Variants in PTPRD observed in about 807,000 individuals in gnomAD.
PTPRD encodes protein tyrosine phosphatase receptor type D, also known as receptor-type tyrosine-protein phosphatase delta.
PTPRD carries 34 observed loss-of-function variants against 214.5 expected under a neutral mutation model. The ratio of observed to expected loss-of-function variants is 0.16; its 90% CI spans 0.12 to 0.21. The LOEUF (loss-of-function observed/expected upper bound fraction) is 0.21, where lower values mean the gene tolerates loss of function less well. Among genes scored for constraint, PTPRD ranks in the 10% least tolerant of loss-of-function variants. The pLI is 1.00. For missense variants in PTPRD, 2,545 were observed against 2,398.7 expected, an observed-to-expected ratio of 1.06 and a Z score of -1.27; for synonymous variants, 1,128 against 845.7, an observed-to-expected ratio of 1.33 and a Z score of -5.79.
At chr9:10,303,830 AG>A (rs2154409428) in intron 3 of PTPRD, among the ~76,000 whole-genome samples, 1 of 152,308 alleles carries the variant, frequency 6.6e-6, no homozygotes, top group South Asian at 2.1e-4. Context: ...ATTCTACCAG[AG>A]GTTCAAAGAG....
chr9:10,321,905 A>G (rs535010522), intron 3 of PTPRD, among the ~76,000 whole-genome samples: 157 of 152,180 alleles, frequency 1.0e-3, no homozygotes, highest in African/African-American at 3.6e-3. Context: ...TTTAACTTTG[A>G]AATGAATGTG....
chr9:10,459,829 T>C (rs1327704905), intron 2 of PTPRD, among the ~76,000 whole-genome samples: 1 of 151,824 alleles, frequency 6.6e-6, no homozygotes, highest in Non-Finnish European at 1.5e-5. Context: ...GATTGCAAAA[T>C]AAATTTATCA....
At chr9:8,664,975 G>C (rs1216408412) in intron 12 of PTPRD, among the ~76,000 whole-genome samples, 1 of 152,150 alleles carries the variant, frequency 6.6e-6, no homozygotes, top group African/African-American at 2.4e-5. Flanking sequence ...ACAATTGAGT[G>C]ATAGAATGCA....
At chr9:9,431,959 A>G (rs993624533) in intron 8 of PTPRD, among the ~76,000 whole-genome samples, 4 of 150,916 alleles carry the variant, frequency 2.7e-5, no homozygotes, top group Non-Finnish European at 5.9e-5. Flanking sequence ...TGTAAATGAC[A>G]AGTTAATGGT....
intron 8 of PTPRD, among the ~76,000 whole-genome samples, chr9:9,468,753 T>C (rs1569568605): frequency 6.6e-6 from 1 of 152,080 alleles, no homozygotes; most frequent in Non-Finnish European, 1.5e-5. Flanking sequence ...TATTGAAAAA[T>C]GGTTTGGTTA....
At chr9:8,779,152 G>C (rs539111420) in intron 11 of PTPRD, among the ~76,000 whole-genome samples, 3 of 152,184 alleles carry the variant, frequency 2.0e-5, no homozygotes, top group Non-Finnish European at 2.9e-5. Flanking sequence ...TATACCCATA[G>C]CAGAAGGCTG....
intron 9 of PTPRD, among the ~76,000 whole-genome samples, chr9:9,245,799 T>C (rs2099972814): frequency 6.6e-6 from 1 of 152,118 alleles, no homozygotes; most frequent in South Asian, 2.1e-4. Flanking sequence ...CAATGTCCCT[T>C]TGTCACATGC....
At chr9:9,884,855 C>G (rs940120298) in intron 5 of PTPRD, among the ~76,000 whole-genome samples, 1 of 152,170 alleles carries the variant, frequency 6.6e-6, no homozygotes, top group East Asian at 1.9e-4. Flanking sequence ...CATTCTGCCA[C>G]GATTGTAAGT....
intron 2 of PTPRD, among the ~76,000 whole-genome samples, chr9:10,497,440 G>A (rs952224391): frequency 1.3e-5 from 2 of 151,804 alleles, no homozygotes; most frequent in African/African-American, 4.8e-5. Context: ...TACATTGTTT[G>A]GTACACAGTT....
chr9:8,508,891 CTG>C (rs59265464), intron 21 of PTPRD, among the ~76,000 whole-genome samples: 23,391 of 139,764 alleles, frequency 0.17, 1,850 homozygotes, highest in African/African-American at 0.22. Flanking sequence ...GTGTGTGTGT[CTG>C]TGTGTGTGTG....
intron 7 of PTPRD, among the ~76,000 whole-genome samples, chr9:9,715,163 A>T (rs927975327): frequency 2.0e-5 from 3 of 152,178 alleles, no homozygotes; most frequent in African/African-American, 7.2e-5. Context: ...TCTGTATGTA[A>T]AGCAAGATGT....
rs1841246954 is a variant in PTPRD, at chr9:8,331,637, C to G, written c.5479G>C (p.Val1827Leu). ...CCAAACTGTTCTTTTGTTTTATGGA[C>G]TTGGCCGATGAAGTCAATAAATCCT... ...GEGFIDFIGQ[V>L]HKTKEQFGQD... The change falls in exon 44 of 46, where the codon GTC becomes CTC. Residue 1827 changes from valine to leucine, a missense_variant. Transcript: ENST00000381196. The G allele has an allele frequency of 3.1e-6, 5 of 1,613,816 alleles. No individual in the cohort carries two copies. Among genetic ancestry groups the G allele is most frequent in the Non-Finnish European group, 4.2e-6 (5 of 1,179,924 alleles).
At chr9:9,660,245 C>T (rs1335712308) in intron 7 of PTPRD, among the ~76,000 whole-genome samples, 1 of 151,882 alleles carries the variant, frequency 6.6e-6, no homozygotes, top group African/African-American at 2.4e-5. Flanking sequence ...CATCGGAAGC[C>T]TTTGGAGGTT....
intron 3 of PTPRD, among the ~76,000 whole-genome samples, chr9:10,187,457 G>A: frequency 6.6e-6 from 1 of 152,110 alleles, no homozygotes; most frequent in Non-Finnish European, 1.5e-5. Flanking sequence ...TTACTTTACA[G>A]TTTGCTGGAG....
chr9:8,647,694 T>C (rs1190916742), intron 12 of PTPRD, among the ~76,000 whole-genome samples: 2 of 152,232 alleles, frequency 1.3e-5, no homozygotes, highest in South Asian at 2.1e-4. Context: ...GCTTTTGATA[T>C]ATTTAACAAA....
intron 8 of PTPRD, among the ~76,000 whole-genome samples, chr9:9,515,672 A>G (rs1205754786): frequency 6.6e-6 from 1 of 151,946 alleles, no homozygotes; most frequent in Non-Finnish European, 1.5e-5. Flanking sequence ...TGAAAACCAT[A>G]TATTAAATAA....
At chr9:8,805,898 G>C (rs572720497) in intron 11 of PTPRD, among the ~76,000 whole-genome samples, 169 of 149,558 alleles carry the variant, frequency 1.1e-3, no homozygotes, top group Middle Eastern at 3.4e-3. Context: ...AGGAGGCTGA[G>C]GCAGGAGAAT....
intron 11 of PTPRD, among the ~76,000 whole-genome samples, chr9:8,882,267 A>G (rs2154219733): frequency 6.6e-6 from 1 of 152,294 alleles, no homozygotes; most frequent in East Asian, 1.9e-4. Context: ...TTGATCTTAT[A>G]GTATCTCACT....
chr9:9,449,722 A>G (rs1196152340), intron 8 of PTPRD, among the ~76,000 whole-genome samples: 1 of 151,860 alleles, frequency 6.6e-6, no homozygotes, highest in Non-Finnish European at 1.5e-5. Context: ...ATTATATCTT[A>G]TAGCAGTCAT....
Sources: allele counts gnomAD v4.1 joint callset (sites outside exome capture counted in the v4.1 genomes callset), GRCh38; gene constraint gnomAD v4.1.1; transcripts MANE v1.5; gene names NCBI Gene and HGNC (gene_info 2026-07-23, HGNC 2026-07-21).